The following TJP1 variants were observed in gnomAD, a reference collection of about 807,000 sequenced individuals.
TJP1 encodes the protein tight junction protein 1.
TJP1 carries 43 observed loss-of-function variants against 194.2 expected under a neutral mutation model. The ratio of observed to expected loss-of-function variants is 0.22; its 90% CI spans 0.17 to 0.29. The LOEUF (loss-of-function observed/expected upper bound fraction) is 0.29, where lower values mean the gene tolerates loss of function less well. TJP1 is among the 10% of genes least tolerant of loss of function. The pLI, the probability that TJP1 is intolerant of heterozygous loss-of-function variation, is 1.00. For synonymous variants in TJP1, 801 were observed against 779.0 expected, an observed-to-expected ratio of 1.03 and a Z score of -0.47; for missense variants, 1,971 against 2,185.7, an observed-to-expected ratio of 0.90 and a Z score of 1.96.
chr15:29,949,272 CCAT>C (rs2055431631), intron 2 of TJP1, among the ~76,000 whole-genome samples: 3 of 115,468 alleles, frequency 2.6e-5, no homozygotes, highest in South Asian at 3.0e-4. Context: ...ACCACCACCT[CCAT>C]CACCTCCACC....
intron 3 of TJP1, 63 bp downstream of exon 3, chr15:29,773,170 G>C: frequency 6.3e-7 from 1 of 1,590,816 alleles, no homozygotes; most frequent in Non-Finnish European, 8.6e-7. Context: ...AAGACAGTAC[G>C]CCAGTGCCTG....
intron 8 of TJP1, among the ~76,000 whole-genome samples, chr15:29,749,350 G>A (rs2045083708): frequency 1.3e-5 from 2 of 152,150 alleles, no homozygotes; most frequent in African/African-American, 4.8e-5. Flanking sequence ...CCAATCAAAT[G>A]TGTGACCAGT....
intron 2 of TJP1, among the ~76,000 whole-genome samples, chr15:29,915,232 T>C (rs1025747390): frequency 6.6e-6 from 1 of 152,150 alleles, no homozygotes; most frequent in African/African-American, 2.4e-5. Context: ...TTAAAAGAAA[T>C]AGCCTGGGAC....
chr15:29,844,158 C>T (rs964997836), intron 2 of TJP1, among the ~76,000 whole-genome samples: 1 of 152,216 alleles, frequency 6.6e-6, no homozygotes, highest in Non-Finnish European at 1.5e-5. Context: ...GCAACCTCCT[C>T]ATCTCGGGTT....
In TJP1 at chr15:29,718,593, G is replaced by C. The variant is rs776403986; in HGVS notation, c.3549C>G (p.Pro1183=). Residue 1183 remains proline, a synonymous_variant, in exon 21 of 28, where the codon CCC becomes CCG. Transcript: ENST00000614355. ...AATACTGCTTGGACTCTGCAGGCTTGGGCCCTGCTGAAGGGTGGGGCTGGG... is the reference window on the plus strand; with the variant it reads ...AATACTGCTTGGACTCTGCAGGCTTCGGCCCTGCTGAAGGGTGGGGCTGGG... The part of the protein sequence containing the change: ...PEAQPHPSAG[P]KPAESKQYFE... 1 of 1,614,108 alleles carries C rather than the reference G, an allele frequency of 6.2e-7. No individual in the cohort carries two copies. Among genetic ancestry groups the C allele is most frequent in the Non-Finnish European group, 8.5e-7 (1 of 1,180,022 alleles).
chr15:29,783,994 C>T (rs376033217), intron 2 of TJP1, among the ~76,000 whole-genome samples: 4 of 151,722 alleles, frequency 2.6e-5, no homozygotes, highest in South Asian at 2.1e-4. Flanking sequence ...AAAAAAAGAA[C>T]GCCAGAGATT....
chr15:29,813,879 A>G (rs925036586), intron 1 of TJP1, among the ~76,000 whole-genome samples: 1 of 152,212 alleles, frequency 6.6e-6, no homozygotes, highest in Non-Finnish European at 1.5e-5. Flanking sequence ...TAACCAACAA[A>G]TATCTGCTGA....
chr15:29,790,724 ACT>A (rs1445284904), intron 2 of TJP1, among the ~76,000 whole-genome samples: 2 of 135,114 alleles, frequency 1.5e-5, no homozygotes, highest in Admixed American at 7.4e-5. Context: ...CCATCATTCT[ACT>A]CTCTGTCTCC....
chr15:29,934,126 G>A (rs187744867), intron 2 of TJP1, among the ~76,000 whole-genome samples: 144 of 152,208 alleles, frequency 9.5e-4, no homozygotes, highest in African/African-American at 3.4e-3. Context: ...GAAACTATGG[G>A]GAATGTTTCA....
At chr15:29,717,897 T>C (rs2042665506) in intron 22 of TJP1, 124 bp downstream of exon 22, 1 of 754,616 alleles carries the variant, frequency 1.3e-6, no homozygotes, top group South Asian at 2.3e-5. Context: ...ATAGTTTTTA[T>C]TTAAGGACAA....
rs1010362295 is a variant in TJP1 at position 29,790,365 on chromosome 15, T to C, written c.84+10281A>G. Reference sequence around the variant, plus strand: ...ATAACTCAGCTCCCACTGGCAAGACTTTTTCATTGTCCAAAGATTTTAAAA... The same window carrying C: ...ATAACTCAGCTCCCACTGGCAAGACCTTTTCATTGTCCAAAGATTTTAAAA... On this transcript the variant is annotated intron_variant, in intron 2 of 27. Transcript: ENST00000614355. 8.9e-4 allele frequency among the ~76,000 whole-genome samples: 135 copies of C among 152,190 alleles called. 1 individual carries two copies. The highest frequency in any genetic ancestry group is 3.1e-3 in the African/African-American group (130 of 41,450).
intron 8 of TJP1, among the ~76,000 whole-genome samples, chr15:29,758,269 G>T (rs989553671): frequency 6.6e-6 from 1 of 151,990 alleles, no homozygotes; most frequent in Admixed American, 6.6e-5. Flanking sequence ...CAGGTTGTTC[G>T]AGGGTCAAAT....
chr15:29,703,777 G>A (rs1346820762), intron 27 of TJP1, among the ~76,000 whole-genome samples: 1 of 151,846 alleles, frequency 6.6e-6, no homozygotes, highest in Non-Finnish European at 1.5e-5. Flanking sequence ...CGAGTAGCTG[G>A]GATTACAGGT....
rs1243585605 is a variant in TJP1 at position 29,762,366 on chromosome 15, C to T, written c.662G>A (p.Gly221Asp). The T allele has an allele frequency of 1.2e-6, 2 of 1,613,398 alleles. No individual in the cohort carries two copies. Among genetic ancestry groups the T allele is most frequent in the African/African-American group, 1.3e-5 (1 of 75,026 alleles). The change falls in exon 6 of 28, where the codon GGC (glycine) becomes GAC (aspartate). Residue 221 changes from glycine to aspartate, a missense_variant. Transcript: ENST00000614355. ...ISQDSLAARD[G>D]NIQEGDVVLK... ...TACAACATCACCTTCTTGAATATTG[C>T]CATCTCTTGCTGCCAAACTATCTTG...
intron 2 of TJP1, among the ~76,000 whole-genome samples, chr15:29,874,203 A>G (rs1486077028): frequency 2.0e-5 from 3 of 152,304 alleles, no homozygotes; most frequent in East Asian, 1.9e-4. Flanking sequence ...TTCTAGGGCA[A>G]GATAGGGCCT....
chr15:29,864,263 A>AAAAAAAAAAAAAAAAAAAAAAAAAAAAAC (rs1170750580), intron 2 of TJP1, among the ~76,000 whole-genome samples: 1 of 147,942 alleles, frequency 6.8e-6, no homozygotes, highest in Non-Finnish European at 1.5e-5. Flanking sequence ...AAAAAAAAAA[A>AAAAAAAAAAAAAAAAAAAAAAAAAAAAAC]AGCTGGGTGT....
At chr15:29,781,755 A>T (rs2151732876) in intron 2 of TJP1, among the ~76,000 whole-genome samples, 1 of 152,336 alleles carries the variant, frequency 6.6e-6, no homozygotes, top group South Asian at 2.1e-4. Flanking sequence ...GCTTTCAATA[A>T]ACTTCAACTC....
At chr15:29,843,951 G>A (rs2051319378) in intron 2 of TJP1, among the ~76,000 whole-genome samples, 1 of 152,222 alleles carries the variant, frequency 6.6e-6, no homozygotes, top group South Asian at 2.1e-4. Context: ...GACAGCTGGA[G>A]ATCAGTGGGC....
chr15:29,708,088 T>C (rs551820973), intron 25 of TJP1, among the ~76,000 whole-genome samples: 1 of 151,442 alleles, frequency 6.6e-6, no homozygotes, highest in East Asian at 2.0e-4. Flanking sequence ...CCCAGCTACT[T>C]AGGAGGCTGA....
Sources: gnomAD v4.1 joint callset for allele counts (sites outside exome capture counted in the v4.1 genomes callset) on GRCh38, gnomAD v4.1.1 for gene constraint, MANE v1.5 for transcripts, NCBI Gene and HGNC (gene_info 2026-07-23, HGNC 2026-07-21) for gene names.